CCDC7: variants seen among roughly 807,000 people sequenced by gnomAD.
CCDC7 encodes coiled-coil domain containing 7, also known as coiled-coil domain-containing protein 7.
CCDC7 carries 183 observed loss-of-function variants against 196.9 expected under a neutral mutation model. The observed-to-expected ratio is 0.93, with a 90% CI of 0.82 to 1.05. The LOEUF (loss-of-function observed/expected upper bound fraction) is 1.05, where lower values mean the gene tolerates loss of function less well. CCDC7 is among the 50% of genes least tolerant of loss of function. The pLI, the probability that CCDC7 is intolerant of heterozygous loss-of-function variation, is 0.00. For missense variants in CCDC7, 1,540 were observed against 1,482.2 expected (o/e 1.04, Z -0.64); for synonymous variants, 525 against 484.6 (o/e 1.08, Z -1.10).
rs1182027298 is a variant in CCDC7 at position 32,619,942 on chromosome 10, A to G, written c.1802-14312A>G. The stretch of plus-strand genomic sequence containing the variant: ...TTTTTTTTTTTTTTTTTTTTTTTTG[A>G]GACAGAGTCTTGCCCTGTCACCCAG... On this transcript the variant is annotated intron_variant, in intron 18 of 41. Transcript: ENST00000639629. Among the ~76,000 whole-genome samples, 14 of 34,320 alleles carry G rather than the reference A, an allele frequency of 4.1e-4. No individual in the cohort carries two copies. The East Asian group carries it at 0.011, about 27-fold the overall frequency. 22.5% of individuals were successfully genotyped at this position (34,320 alleles called of 152,430 possible). A position where few individuals can be genotyped will look rare whatever the true frequency, so the allele number is the denominator to read the frequency against.
At chr10:32,857,524 C>T (rs536368384) in intron 41 of CCDC7, among the ~76,000 whole-genome samples, 5 of 152,200 alleles carry the variant, frequency 3.3e-5, no homozygotes, top group African/African-American at 1.2e-4. Context: ...TGCTCCTGAA[C>T]AACCAACCAG....
chr10:32,511,407 C>G lies in CCDC7; in HGVS notation c.873-6538C>G, dbSNP rs1013471641. On this transcript the variant is annotated intron_variant, in intron 9 of 41. Coordinates refer to ENST00000639629, the Ensembl canonical transcript of CCDC7. The stretch of plus-strand genomic sequence containing the variant: ...TTTTTTACAAATCTTGAAGCTGCAC[C>G]TCTGTCCAGCTTGCCAGCCTTTTTC... The G allele has an allele frequency of 2.5e-6, 4 of 1,608,704 alleles. No individual in the cohort carries two copies. In the African/African-American group the frequency reaches 5.3e-5, roughly 22 times the overall value.
chr10:32,588,015 A>G (rs983486051), intron 18 of CCDC7, among the ~76,000 whole-genome samples: 1 of 152,168 alleles, frequency 6.6e-6, no homozygotes, highest in Non-Finnish European at 1.5e-5. Flanking sequence ...TCATAGATTA[A>G]TGGGTTATCA....
chr10:32,661,704 A>G (rs1036109749), intron 20 of CCDC7, among the ~76,000 whole-genome samples: 2 of 152,162 alleles, frequency 1.3e-5, no homozygotes, highest in African/African-American at 4.8e-5. Context: ...GGAGGCCTCA[A>G]AATTCTGCCC....
At position 32,487,411 on chromosome 10, in the gene CCDC7, T is replaced by C. The variant is rs867801347; in HGVS notation, c.797-4511T>C. On this transcript the variant is annotated intron_variant, in intron 8 of 41. Coordinates refer to ENST00000639629, the Ensembl canonical transcript of CCDC7. Reference sequence around the variant, plus strand: ...CTAATTGTTTTTCAAGGTTTTTAACTTCTTTGCCATGGGTTTGAACTTCCT... The same window carrying C: ...CTAATTGTTTTTCAAGGTTTTTAACCTCTTTGCCATGGGTTTGAACTTCCT... Among the ~76,000 whole-genome samples the C allele has an allele frequency of 2.0e-5, 3 of 152,212 alleles. No individual in the cohort carries two copies. In the South Asian group the frequency reaches 6.2e-4, roughly 31 times the overall value.
intron 18 of CCDC7, among the ~76,000 whole-genome samples, chr10:32,629,349 A>G (rs988608941): frequency 1.3e-5 from 2 of 151,984 alleles, no homozygotes; most frequent in African/African-American, 4.8e-5. Flanking sequence ...GGAGATAACT[A>G]CTGAATATTG....
intron 11 of CCDC7, among the ~76,000 whole-genome samples, chr10:32,525,239 CATA>C (rs2048478652): frequency 6.7e-6 from 1 of 149,560 alleles, no homozygotes; most frequent in Admixed American, 6.7e-5. Context: ...GAACTTAAAG[CATA>C]ATAAAAAAAA....
rs116373307 is a variant in CCDC7 at position 32,867,492 on chromosome 10, G to C, written c.4112-8855G>C. ...AACTGAATAAATTCTAGAAGGGATT[G>C]GAATCCCTTCTAGAATTCTTTCAGT... On this transcript the variant is annotated intron_variant, in intron 41 of 41. Transcript: ENST00000639629. Among the ~76,000 whole-genome samples, 238 of 150,928 alleles carry C rather than the reference G, an allele frequency of 1.6e-3. 1 individual carries two copies. The highest frequency in any genetic ancestry group is 5.5e-3 in the African/African-American group (227 of 41,332).
chr10:32,475,104 T>C (rs2038724928), intron 8 of CCDC7, among the ~76,000 whole-genome samples: 1 of 152,202 alleles, frequency 6.6e-6, no homozygotes, highest in South Asian at 2.1e-4. Context: ...GGGAATCCTT[T>C]GTACATCTAT....
chr10:32,614,971 A>G (rs545837801), intron 18 of CCDC7, among the ~76,000 whole-genome samples: 7 of 152,282 alleles, frequency 4.6e-5, no homozygotes, highest in African/African-American at 1.7e-4. Context: ...AAAAACATGA[A>G]TTCATTTTTT....
chr10:32,629,012 C>A (rs572821322), intron 18 of CCDC7, among the ~76,000 whole-genome samples: 3 of 152,086 alleles, frequency 2.0e-5, no homozygotes, highest in Non-Finnish European at 4.4e-5. Flanking sequence ...CTATTAGGTT[C>A]GCTTGATCTA....
At chr10:32,597,487 G>A (rs1433183187) in intron 18 of CCDC7, among the ~76,000 whole-genome samples, 1 of 152,142 alleles carries the variant, frequency 6.6e-6, no homozygotes, top group Admixed American at 6.5e-5. Context: ...GCTCGGAGAA[G>A]TATGTTATTA....
intron 9 of CCDC7, among the ~76,000 whole-genome samples, chr10:32,492,878 G>T (rs2042353900): frequency 6.6e-6 from 1 of 151,980 alleles, no homozygotes; most frequent in Admixed American, 6.6e-5. Flanking sequence ...AAGTTGCGAT[G>T]ATACAAAATG....
intron 41 of CCDC7, among the ~76,000 whole-genome samples, chr10:32,859,421 G>C (rs1016022384): frequency 6.6e-6 from 1 of 152,154 alleles, no homozygotes; most frequent in African/African-American, 2.4e-5. Flanking sequence ...TTAAAGCAGT[G>C]TGTAGAAGGA....
intron 32 of CCDC7, among the ~76,000 whole-genome samples, chr10:32,826,307 A>G (rs997949430): frequency 1.3e-5 from 2 of 152,178 alleles, no homozygotes; most frequent in Admixed American, 6.5e-5. Flanking sequence ...CCAATATGCA[A>G]GGGCAGGAAG....
intron 32 of CCDC7, among the ~76,000 whole-genome samples, chr10:32,831,115 T>C (rs2092116789): frequency 6.6e-6 from 1 of 152,198 alleles, no homozygotes; most frequent in South Asian, 2.1e-4. Flanking sequence ...AGCCTATTGC[T>C]CCTAGGCTAC....
At chr10:32,528,243 A>G (rs2135785287) in intron 11 of CCDC7, among the ~76,000 whole-genome samples, 1 of 151,508 alleles carries the variant, frequency 6.6e-6, no homozygotes, top group South Asian at 2.1e-4. Context: ...TCCACTGTGT[A>G]TATGTAGCAC....
chr10:32,446,783 C>CT (rs1469736245), upstream of CCDC7, among the ~76,000 whole-genome samples: 1 of 152,092 alleles, frequency 6.6e-6, no homozygotes, highest in Non-Finnish European at 1.5e-5. Flanking sequence ...TAAATATTTG[C>CT]TTGCTAATAC....
chr10:32,455,222 C>A (rs529019089), intron 2 of CCDC7, among the ~76,000 whole-genome samples: 1 of 151,756 alleles, frequency 6.6e-6, no homozygotes, highest in Non-Finnish European at 1.5e-5. Flanking sequence ...TTTTTTTCCC[C>A]GTCTCCTATA....
Sources: gnomAD v4.1 joint callset for allele counts (sites outside exome capture counted in the v4.1 genomes callset) on GRCh38, gnomAD v4.1.1 for gene constraint, MANE v1.5 for transcripts, NCBI Gene and HGNC (gene_info 2026-07-23, HGNC 2026-07-21) for gene names.